The following NSMCE1 variants were observed in gnomAD, a reference collection of about 807,000 sequenced individuals.
NSMCE1 encodes the protein NSE1 component of SMC5/6 complex.
NSMCE1 carries 18 observed loss-of-function variants against 29.6 expected under a neutral mutation model. The observed-to-expected ratio is 0.61, with a 90% confidence interval of 0.42 to 0.90. NSMCE1 has a LOEUF of 0.90. Among genes scored for constraint, NSMCE1 ranks in the 40% least tolerant of loss-of-function variants. The pLI, the probability that NSMCE1 is intolerant of heterozygous loss-of-function variation, is 0.00. For missense variants in NSMCE1, 314 were observed against 343.6 expected (o/e 0.91, Z 0.68); for synonymous variants, 124 against 133.4 (o/e 0.93, Z 0.49).
intron 1 of NSMCE1, among the ~76,000 whole-genome samples, chr16:27,262,099 T>C (rs2084164144): frequency 1.3e-5 from 2 of 151,780 alleles, no homozygotes; most frequent in Admixed American, 1.3e-4. Flanking sequence ...CAAAAATTGG[T>C]TGGGCGGGGT....
At chr16:27,225,293 G>A in intron 7 of NSMCE1, 57 bp from the exon 8 acceptor site, 1 of 1,039,034 alleles carries the variant, frequency 9.6e-7, no homozygotes, top group Non-Finnish European at 1.5e-6. Flanking sequence ...CAGCACAGGG[G>A]CACCAGCTGG....
At chr16:27,234,707 A>G (rs2083800230) in intron 3 of NSMCE1, among the ~76,000 whole-genome samples, 1 of 152,174 alleles carries the variant, frequency 6.6e-6, no homozygotes, top group African/African-American at 2.4e-5. Context: ...TCTGAGTGTG[A>G]GCCTGGCTGG....
At chr16:27,239,990 C>T (rs1180787802) in intron 2 of NSMCE1, among the ~76,000 whole-genome samples, 1 of 152,170 alleles carries the variant, frequency 6.6e-6, no homozygotes, top group Non-Finnish European at 1.5e-5. Context: ...TTCATTTCAT[C>T]ATGACAATAA....
intron 1 of NSMCE1, among the ~76,000 whole-genome samples, chr16:27,262,179 G>A (rs528714865): frequency 6.6e-6 from 1 of 151,996 alleles, no homozygotes; most frequent in East Asian, 1.9e-4. Context: ...GGGAGGCGGG[G>A]GTTGCAGTGA....
At chr16:27,230,311 C>T (rs1266137713) in intron 5 of NSMCE1, among the ~76,000 whole-genome samples, 1 of 152,184 alleles carries the variant, frequency 6.6e-6, no homozygotes, top group East Asian at 1.9e-4. Flanking sequence ...CAGTGGGCCC[C>T]TGGCTATTTC....
chr16:27,259,662 T>C (rs114900634), intron 1 of NSMCE1, among the ~76,000 whole-genome samples: 3,236 of 152,180 alleles, frequency 0.021, 114 homozygotes, highest in African/African-American at 0.073. Context: ...GGCTTGGCAG[T>C]GGGGACAAAT....
intron 2 of NSMCE1, among the ~76,000 whole-genome samples, chr16:27,251,104 G>A (rs2084023115): frequency 6.9e-6 from 1 of 144,734 alleles, no homozygotes; most frequent in East Asian, 2.1e-4. Flanking sequence ...GCCTCCCAAA[G>A]TGCTGGGATT....
chr16:27,258,442 C>A (rs2084110835), intron 1 of NSMCE1, among the ~76,000 whole-genome samples: 1 of 152,252 alleles, frequency 6.6e-6, no homozygotes, highest in Admixed American at 6.5e-5. Flanking sequence ...GATTCCCAAA[C>A]CCTTTCCTGG....
rs374273906 is a variant in NSMCE1, at chr16:27,232,688, G to A, written c.483+313C>T. On this transcript the variant is annotated intron_variant, in intron 5 of 7. Coordinates refer to ENST00000361439, the MANE Select transcript of NSMCE1 (RefSeq NM_145080.4). The surrounding 1 kb of genome is among the most constrained non-coding windows in gnomAD (Gnocchi z 4.5). ...ATGTTAGAGCCACACTCTCAGCCACGGAACTGCCCTGCCTTGCAGTCTGTG... is the reference window on the plus strand; with the variant it reads ...ATGTTAGAGCCACACTCTCAGCCACAGAACTGCCCTGCCTTGCAGTCTGTG... 9.8e-5 allele frequency among the ~76,000 whole-genome samples: 15 copies of A among 152,360 alleles called. No homozygotes were observed. The South Asian group carries it at 1.7e-3, about 17-fold the overall frequency.
At chr16:27,246,759 G>A (rs2083962567) in intron 2 of NSMCE1, among the ~76,000 whole-genome samples, 1 of 152,110 alleles carries the variant, frequency 6.6e-6, no homozygotes, top group Non-Finnish European at 1.5e-5. Context: ...CAAACTGCTG[G>A]GATTACAGGC....
At chr16:27,240,100 T>G in intron 2 of NSMCE1, among the ~76,000 whole-genome samples, 1 of 152,162 alleles carries the variant, frequency 6.6e-6, no homozygotes, top group East Asian at 1.9e-4. Flanking sequence ...TGGAAGGAAA[T>G]GGAGCCCGGG....
At chr16:27,253,786 T>C (rs1380928531) in intron 2 of NSMCE1, among the ~76,000 whole-genome samples, 2 of 152,204 alleles carry the variant, frequency 1.3e-5, no homozygotes, top group African/African-American at 2.4e-5. Context: ...AATAAACGTA[T>C]GTGTGGATGC....
chr16:27,260,659 A>T (rs924796694), intron 1 of NSMCE1, among the ~76,000 whole-genome samples: 13 of 152,008 alleles, frequency 8.6e-5, no homozygotes, highest in African/African-American at 2.7e-4. Context: ...AGGAGTTCAA[A>T]ACCAGCTTGA....
intron 2 of NSMCE1, among the ~76,000 whole-genome samples, chr16:27,237,949 C>A (rs899269450): frequency 6.6e-6 from 1 of 152,214 alleles, no homozygotes; most frequent in Non-Finnish European, 1.5e-5. Flanking sequence ...TCCGCTATCG[C>A]CCTCTTTCCT....
chr16:27,225,621 A>G lies in NSMCE1; in HGVS notation c.721+105T>C, dbSNP rs984304990. On this transcript the variant is annotated intron_variant, in intron 7 of 7. Coordinates refer to ENST00000361439, the MANE Select transcript of NSMCE1 (RefSeq NM_145080.4). Reference sequence around the variant, plus strand: ...TCAAGCTGCTAACACGGACCCCCACACACCCTGGAGCCCTTCAGGGCCCTG... The same window carrying G: ...TCAAGCTGCTAACACGGACCCCCACGCACCCTGGAGCCCTTCAGGGCCCTG... 23 of 1,371,484 alleles carry G rather than the reference A, an allele frequency of 1.7e-5. No individual in the cohort carries two copies. The Admixed American group carries it at 5.1e-4, about 31-fold the overall frequency. The allele number at this position is 1,371,484 out of a possible 1,614,324, so 85.0% of individuals were successfully genotyped here. A position where few individuals can be genotyped will look rare whatever the true frequency, so the allele number is the denominator to read the frequency against.
chr16:27,244,786 C>A (rs537731951), intron 2 of NSMCE1, among the ~76,000 whole-genome samples: 127 of 152,366 alleles, frequency 8.3e-4, no homozygotes, highest in Non-Finnish European at 1.6e-3. Context: ...TACGGTCTTT[C>A]TCTTTCTAAG....
chr16:27,253,246 C>T (rs924871193), intron 2 of NSMCE1, among the ~76,000 whole-genome samples: 1 of 152,196 alleles, frequency 6.6e-6, no homozygotes, highest in Non-Finnish European at 1.5e-5. Flanking sequence ...ACACAGGTAG[C>T]CCAGGACTTA....
chr16:27,255,361 A>G (rs2084076037), intron 2 of NSMCE1, among the ~76,000 whole-genome samples: 2 of 152,158 alleles, frequency 1.3e-5, no homozygotes, highest in Admixed American at 1.3e-4. Context: ...TGAATACTTC[A>G]AGAGGGCCAC....
chr16:27,264,156 G>T (rs1394281513), intron 1 of NSMCE1, among the ~76,000 whole-genome samples: 1 of 152,104 alleles, frequency 6.6e-6, no homozygotes, highest in Non-Finnish European at 1.5e-5. Flanking sequence ...TTGAGCCCAA[G>T]AGTTCAACAC....
Sources: gnomAD v4.1 joint callset for allele counts (sites outside exome capture counted in the v4.1 genomes callset) on GRCh38, gnomAD v4.1.1 for gene constraint, Gnocchi (gnomAD v3.1) non-coding constraint, MANE v1.5 for transcripts, NCBI Gene and HGNC (gene_info 2026-07-23, HGNC 2026-07-21) for gene names.